Variants in PID1 observed in about 807,000 individuals in gnomAD.
PID1 encodes the protein PTB-containing, cubilin and LRP1-interacting protein.
In PID1, 10 loss-of-function variants were observed where a neutral mutation model predicts 19.1. The ratio of observed to expected loss-of-function variants is 0.52; its 90% confidence interval spans 0.32 to 0.89. The LOEUF (loss-of-function observed/expected upper bound fraction) is 0.89, where lower values mean the gene tolerates loss of function less well. PID1 is among the 40% of genes least tolerant of loss of function. The probability of loss-of-function intolerance (pLI) is 0.03; values close to 1 mark genes in which losing one functional copy is unlikely to be tolerated. For synonymous variants in PID1, 130 were observed against 116.0 expected, an observed-to-expected ratio of 1.12 and a Z score of -0.78; for missense variants, 248 against 285.3, an observed-to-expected ratio of 0.87 and a Z score of 0.94.
At chr2:229,071,302 C>T (rs187583450) in intron 2 of PID1, among the ~76,000 whole-genome samples, 8 of 152,262 alleles carry the variant, frequency 5.3e-5, no homozygotes, top group African/African-American at 1.4e-4. Flanking sequence ...AGTAACATAA[C>T]GTTTAAATAA....
At chr2:229,089,391 CTG>C (rs1559227774) in intron 2 of PID1, among the ~76,000 whole-genome samples, 1 of 152,144 alleles carries the variant, frequency 6.6e-6, no homozygotes, top group Non-Finnish European at 1.5e-5. Flanking sequence ...TTAATCTCTA[CTG>C]AGATTTTAGT....
chr2:229,150,971 A>G (rs190164570), intron 2 of PID1, among the ~76,000 whole-genome samples: 102 of 152,116 alleles, frequency 6.7e-4, no homozygotes, highest in African/African-American at 2.5e-3. Context: ...AAAAGATAAC[A>G]TCCCAATCCA....
intron 2 of PID1, among the ~76,000 whole-genome samples, chr2:229,151,701 G>C (rs1690257132): frequency 6.6e-6 from 1 of 151,754 alleles, no homozygotes; most frequent in African/African-American, 2.4e-5. Context: ...CTCCCGAGTA[G>C]CTGCGACGAC....
chr2:229,078,669 T>C (rs928698552), intron 2 of PID1, among the ~76,000 whole-genome samples: 1 of 152,234 alleles, frequency 6.6e-6, no homozygotes, highest in African/African-American at 2.4e-5. Flanking sequence ...GTTTTTGTCA[T>C]TGGTTCTGTT....
chr2:229,116,308 C>T (rs1695410215), intron 2 of PID1, among the ~76,000 whole-genome samples: 1 of 152,152 alleles, frequency 6.6e-6, no homozygotes, highest in Non-Finnish European at 1.5e-5. Context: ...AGGACAAAAT[C>T]GGATGCTGAG....
chr2:229,265,904 A>C (rs1690581603), intron 1 of PID1, among the ~76,000 whole-genome samples: 1 of 152,138 alleles, frequency 6.6e-6, no homozygotes, highest in African/African-American at 2.4e-5. Flanking sequence ...CTCCAAGATA[A>C]CTCAGTACAG....
chr2:229,118,714 G>T lies in PID1; in HGVS notation c.177+37104C>A, dbSNP rs57321130. ...TAATGCTGATGTATTGTTCTTGGGG[G>T]AAAGTACTAAACATGAAAGGACTTT... is the stretch of plus-strand genomic sequence containing the variant. On this transcript the variant is annotated intron_variant, in intron 2 of 2. Transcript: ENST00000392055. Among the ~76,000 whole-genome samples, 1,246 of 152,240 alleles carry T rather than the reference G, an allele frequency of 8.2e-3. 22 individuals are homozygous for T. The highest frequency in any genetic ancestry group is 0.028 in the African/African-American group (1,170 of 41,528).
At chr2:229,104,168 T>A (rs1695128741) in intron 2 of PID1, among the ~76,000 whole-genome samples, 1 of 152,178 alleles carries the variant, frequency 6.6e-6, no homozygotes. Context: ...AGCAAGGAAA[T>A]TCACATGGCC....
intron 1 of PID1, among the ~76,000 whole-genome samples, chr2:229,188,378 G>A (rs1691179956): frequency 1.3e-5 from 2 of 151,816 alleles, no homozygotes. Flanking sequence ...AGAAGGAAAG[G>A]GGAAGAAAGG....
At chr2:229,199,729 T>C (rs1050912134) in intron 1 of PID1, among the ~76,000 whole-genome samples, 1 of 133,490 alleles carries the variant, frequency 7.5e-6, no homozygotes, top group Non-Finnish European at 1.7e-5. Context: ...TTTATATATA[T>C]ATATATATAT....
At chr2:229,043,258 G>A (rs547235684) in intron 2 of PID1, among the ~76,000 whole-genome samples, 12 of 152,146 alleles carry the variant, frequency 7.9e-5, no homozygotes, top group South Asian at 4.2e-4. Context: ...CACCTGCCTC[G>A]GCCTCCCAAA....
chr2:229,213,334 C>T (rs779353691), intron 1 of PID1, among the ~76,000 whole-genome samples: 5 of 152,166 alleles, frequency 3.3e-5, no homozygotes, highest in Non-Finnish European at 7.3e-5. Flanking sequence ...CTCATTCAAC[C>T]GCACCAGGCT....
intron 2 of PID1, among the ~76,000 whole-genome samples, chr2:229,089,557 CT>C (rs1205883507): frequency 6.6e-6 from 1 of 152,154 alleles, no homozygotes; most frequent in African/African-American, 2.4e-5. Context: ...TTTCCCAATG[CT>C]TTTCACAAGA....
intron 2 of PID1, among the ~76,000 whole-genome samples, chr2:229,143,647 C>G (rs921421539): frequency 1.3e-5 from 2 of 152,132 alleles, no homozygotes; most frequent in African/African-American, 4.8e-5. Context: ...CCATCCAAAT[C>G]TCATCTTGAA....
At chr2:229,245,799 A>G (rs946127555) in intron 1 of PID1, among the ~76,000 whole-genome samples, 7 of 152,176 alleles carry the variant, frequency 4.6e-5, no homozygotes, top group African/African-American at 1.7e-4. Context: ...AAAGTTATAA[A>G]GACAGTACTT....
rs759556797 is a variant in PID1 at position 229,155,855 on chromosome 2, G to A, written c.140C>T (p.Thr47Ile). Reference protein sequence around the residue: ...EPEAIELCTTTPLMKTRTHSG... With the variant: ...EPEAIELCTTIPLMKTRTHSG... ...GTGAGTCCTTGTCTTCATCAGCGGTGTGGTCGTGCACAGCTCAATGGCCTC... is the reference window on the plus strand; with the variant it reads ...GTGAGTCCTTGTCTTCATCAGCGGTATGGTCGTGCACAGCTCAATGGCCTC... The change falls in exon 2 of 3, where the codon ACA becomes ATA. Residue 47 changes from threonine to isoleucine, a missense_variant. Coordinates refer to ENST00000392055, the MANE Select transcript of PID1 (RefSeq NM_001100818.2). 2 of 1,613,428 alleles carry A rather than the reference G, an allele frequency of 1.2e-6. No individual in the cohort carries two copies. Among genetic ancestry groups the A allele is most frequent in the African/African-American group, 2.7e-5 (2 of 74,920 alleles).
chr2:229,041,648 C>T (rs952862835), intron 2 of PID1, among the ~76,000 whole-genome samples: 1 of 152,096 alleles, frequency 6.6e-6, no homozygotes, highest in Non-Finnish European at 1.5e-5. Flanking sequence ...CCACAAGACA[C>T]CTATTATTTA....
intron 1 of PID1, among the ~76,000 whole-genome samples, chr2:229,260,362 A>C (rs1476705251): frequency 6.6e-6 from 1 of 152,042 alleles, no homozygotes; most frequent in Non-Finnish European, 1.5e-5. Flanking sequence ...GCTTCACCAC[A>C]AAATTCTACA....
intron 1 of PID1, among the ~76,000 whole-genome samples, chr2:229,269,779 G>A (rs1220861866): frequency 6.6e-6 from 1 of 152,176 alleles, no homozygotes; most frequent in Non-Finnish European, 1.5e-5. Flanking sequence ...TCATCTGCAA[G>A]GCTAAATGCA....
Sources: gnomAD v4.1 joint callset for allele counts (sites outside exome capture counted in the v4.1 genomes callset) on GRCh38, gnomAD v4.1.1 for gene constraint, MANE v1.5 for transcripts, NCBI Gene and HGNC (gene_info 2026-07-23, HGNC 2026-07-21) for gene names.